The following EFCAB3 variants were observed in gnomAD, a reference collection of about 807,000 sequenced individuals.
EFCAB3 encodes EF-hand calcium-binding domain-containing protein 3.
In EFCAB3, 36 loss-of-function variants were observed where a neutral mutation model predicts 42.2. The ratio of observed to expected loss-of-function variants is 0.85; its 90% CI spans 0.65 to 1.13. The LOEUF is 1.13. Ranked by LOEUF, EFCAB3 falls within the 50% of genes most tolerant of loss-of-function variation. EFCAB3 has a pLI of 0.00. For synonymous variants in EFCAB3, 170 were observed against 172.8 expected (o/e 0.98, Z 0.13); for missense variants, 418 against 505.1 (o/e 0.83, Z 1.65).
intron 9 of EFCAB3, among the ~76,000 whole-genome samples, chr17:62,415,577 T>C (rs1213166696): frequency 1.3e-5 from 2 of 152,160 alleles, no homozygotes; most frequent in Non-Finnish European, 2.9e-5. Context: ...CTGTTTGTGC[T>C]GTCCCCTCTC....
intron 6 of EFCAB3, among the ~76,000 whole-genome samples, chr17:62,404,509 ATAAC>A (rs1219634365): frequency 6.6e-6 from 1 of 151,928 alleles, no homozygotes; most frequent in East Asian, 1.9e-4. Flanking sequence ...ATAACAATAA[ATAAC>A]AGGCTGGGCG....
intron 9 of EFCAB3, among the ~76,000 whole-genome samples, chr17:62,415,538 C>G (rs1348954830): frequency 6.6e-6 from 1 of 152,120 alleles, no homozygotes; most frequent in African/African-American, 2.4e-5. Flanking sequence ...TCCTGCCACA[C>G]CTCCAGGATA....
intron 8 of EFCAB3, among the ~76,000 whole-genome samples, chr17:62,411,942 C>T (rs1317812449): frequency 6.6e-6 from 1 of 151,770 alleles, no homozygotes; most frequent in African/African-American, 2.4e-5. Flanking sequence ...AAATAAATAA[C>T]TTACAAAGGA....
upstream of EFCAB3, among the ~76,000 whole-genome samples, chr17:62,380,336 A>G (rs923359886): frequency 6.6e-6 from 1 of 152,240 alleles, no homozygotes; most frequent in African/African-American, 2.4e-5. Flanking sequence ...ATATTAATAT[A>G]GAACTTGAAA....
chr17:62,373,102 G>A (rs964280485), intron 1 of EFCAB3, among the ~76,000 whole-genome samples: 4 of 151,792 alleles, frequency 2.6e-5, no homozygotes, highest in African/African-American at 4.8e-5. Context: ...CCAACCTGGC[G>A]AAACCCCATC....
At chr17:62,385,972 C>A (rs1402138296) in intron 2 of EFCAB3, among the ~76,000 whole-genome samples, 1 of 151,666 alleles carries the variant, frequency 6.6e-6, no homozygotes, top group Non-Finnish European at 1.5e-5. Context: ...CGTGATCCAC[C>A]CGCCTTGGCC....
At position 62,406,132 on chromosome 17, in the gene EFCAB3, G is replaced by T. The variant is rs370949269; in HGVS notation, c.489-348G>T. 2.6e-5 allele frequency among the ~76,000 whole-genome samples: 4 copies of T among 152,170 alleles called. 1 individual carries two copies. The highest frequency in any genetic ancestry group is 9.6e-5 in the African/African-American group (4 of 41,454). On this transcript the variant is annotated intron_variant, in intron 6 of 9. Transcript: ENST00000305286. ...ACCTATAGTCCCAGCTACTCAGGAGGCTGAGGAGGGAGGAGAATTTGAGCC... is the reference window on the plus strand; with the variant it reads ...ACCTATAGTCCCAGCTACTCAGGAGTCTGAGGAGGGAGGAGAATTTGAGCC...
chr17:62,413,573 C>A (rs975950058), intron 8 of EFCAB3, among the ~76,000 whole-genome samples, 159 bp from the exon 9 acceptor site: 2 of 151,942 alleles, frequency 1.3e-5, no homozygotes, highest in African/African-American at 4.8e-5. Context: ...CTGAGGGACC[C>A]GGAAAAAAGT....
chr17:62,388,395 C>T (rs890243245), intron 3 of EFCAB3, among the ~76,000 whole-genome samples: 6 of 152,124 alleles, frequency 3.9e-5, no homozygotes, highest in African/African-American at 1.4e-4. Context: ...AGGCAAATAG[C>T]GCTGACAGGA....
intron 5 of EFCAB3, 69 bp from the exon 6 acceptor site, chr17:62,394,999 A>T: frequency 1.3e-6 from 2 of 1,541,848 alleles, no homozygotes; most frequent in East Asian, 4.5e-5. Context: ...GTAAATAATC[A>T]GTAAAGAGGT....
upstream of EFCAB3, among the ~76,000 whole-genome samples, chr17:62,376,013 A>C (rs568078504): frequency 1.3e-5 from 2 of 152,240 alleles, no homozygotes; most frequent in African/African-American, 4.8e-5. Flanking sequence ...TCTTCACTTC[A>C]TAAGCCCCAA....
chr17:62,413,952 C>T lies in EFCAB3; in HGVS notation c.990+98C>T, dbSNP rs1232477362. ...AAAACCAAGAGAATTTTTATCTGCT[C>T]TATGTCTTTAAAATGAGACAAGGTT... is the stretch of plus-strand genomic sequence containing the variant. On this transcript the variant is annotated intron_variant, in intron 9 of 9. Transcript: ENST00000305286. The T allele has an allele frequency of 4.6e-6, 6 of 1,312,870 alleles. No individual in the cohort carries two copies. The East Asian group carries it at 9.4e-5, about 21-fold the overall frequency. 81.3% of individuals were successfully genotyped at this position (1,312,870 alleles called of 1,614,324 possible).
At position 62,412,245 on chromosome 17, in the gene EFCAB3, G is replaced by A. The variant is rs1238908103; in HGVS notation, c.868-1487G>A. On this transcript the variant is annotated intron_variant, in intron 8 of 9. Coordinates refer to ENST00000305286, the MANE Select transcript of EFCAB3 (RefSeq NM_173503.4). ...ACAAAATGTAGCCAGGCATGGTGGC[G>A]CGTGTCTGTAATCCCAGCTACTAGG... Among the ~76,000 whole-genome samples, 16 of 150,198 alleles carry A rather than the reference G, an allele frequency of 1.1e-4. No homozygotes were observed. The East Asian group carries it at 1.6e-3, about 15-fold the overall frequency.
chr17:62,381,268 G>A (rs1256713961), intron 1 of EFCAB3, among the ~76,000 whole-genome samples: 3 of 151,342 alleles, frequency 2.0e-5, no homozygotes, highest in African/African-American at 2.4e-5. Context: ...TTGTCCTTGC[G>A]ATAGTTTGCT....
intron 2 of EFCAB3, among the ~76,000 whole-genome samples, chr17:62,386,094 T>C (rs1476272416): frequency 6.6e-6 from 1 of 152,086 alleles, no homozygotes; most frequent in Non-Finnish European, 1.5e-5. Flanking sequence ...TTTTAAACTT[T>C]TAGTTTTACA....
chr17:62,374,444 T>C lies in EFCAB3; in HGVS notation c.88+577T>C, dbSNP rs1371301077. ...CCATTACACTCCAGCCTAGGCAACA[T>C]AGAGAGACTCCATCTCAAAAAATAA... On this transcript the variant is annotated intron_variant, in intron 2 of 11. Coordinates refer to the EFCAB3 transcript ENST00000450662. Among the ~76,000 whole-genome samples, 5 of 152,164 alleles carry C rather than the reference T, an allele frequency of 3.3e-5. No homozygotes were observed. In the East Asian group the frequency reaches 7.7e-4, roughly 24 times the overall value.
chr17:62,408,991 G>T (rs1329744617), intron 8 of EFCAB3, among the ~76,000 whole-genome samples: 1 of 152,112 alleles, frequency 6.6e-6, no homozygotes, highest in African/African-American at 2.4e-5. Context: ...TCCCCACATT[G>T]TCATTGTACT....
At chr17:62,371,907 G>A (rs776433055) in intron 1 of EFCAB3, among the ~76,000 whole-genome samples, 3 of 152,098 alleles carry the variant, frequency 2.0e-5, no homozygotes, top group South Asian at 2.1e-4. Context: ...GGAGGATAAC[G>A]TTTCTTACTA....
intron 4 of EFCAB3, among the ~76,000 whole-genome samples, chr17:62,392,294 ATATGTGTGTG>A (rs1189218983): frequency 6.6e-6 from 1 of 151,352 alleles, no homozygotes; most frequent in Non-Finnish European, 1.5e-5. Flanking sequence ...ACACACACAT[ATATGTGTGTG>A]TCTGCGTGTG....
Sources: gnomAD v4.1 joint callset for allele counts (sites outside exome capture counted in the v4.1 genomes callset) on GRCh38, gnomAD v4.1.1 for gene constraint, MANE v1.5 for transcripts, NCBI Gene and HGNC (gene_info 2026-07-23, HGNC 2026-07-21) for gene names.